CFAP47: variants seen among roughly 807,000 people sequenced by gnomAD.
CFAP47 encodes cilia and flagella associated protein 47, also known as cilia- and flagella-associated protein 47.
CFAP47 carries 29 observed loss-of-function variants against 148.1 expected under a neutral mutation model. The ratio of observed to expected loss-of-function variants is 0.20; its 90% CI spans 0.15 to 0.27. The LOEUF (loss-of-function observed/expected upper bound fraction) is 0.27. CFAP47 is among the 10% of genes least tolerant of loss of function. The pLI is 1.00. For synonymous variants in CFAP47, 664 were observed against 577.3 expected (o/e 1.15, Z -2.15); for missense variants, 1,872 against 1,697.5 (o/e 1.10, Z -1.81).
In CFAP47 at chrX:35,951,227, G is replaced by A; in HGVS notation, c.753G>A (p.Arg251=). Reference sequence around the variant, plus strand: ...TATTAAGCATGAGTAGTGACAGAAGGCTGGAATGCATACACTTTGGTCCTG... The same window carrying A: ...TATTAAGCATGAGTAGTGACAGAAGACTGGAATGCATACACTTTGGTCCTG... ...IELLSMSSDR[R]LECIHFGPVF... Residue 251 remains arginine (R), a synonymous_variant, in exon 5 of 64, where the codon AGG becomes AGA. Coordinates refer to ENST00000378653, the MANE Select transcript of CFAP47 (RefSeq NM_001304548.2). The A allele has an allele frequency of 8.3e-7, 1 of 1,208,725 alleles. No individual in the cohort carries two copies. Among genetic ancestry groups the A allele is most frequent in the Non-Finnish European group, 1.1e-6 (1 of 893,094 alleles).
chrX:36,372,659 C>A (rs1194255482), intron 62 of CFAP47, among the ~76,000 whole-genome samples: 3 of 111,484 alleles, frequency 2.7e-5, no homozygotes, highest in Non-Finnish European at 5.7e-5. Context: ...TATTTGTATA[C>A]CTAAACACAG....
At chrX:36,293,435 C>G (rs1459005428) in intron 51 of CFAP47, among the ~76,000 whole-genome samples, 5 of 112,401 alleles carry the variant, frequency 4.4e-5, no homozygotes, top group African/African-American at 1.6e-4. Flanking sequence ...GTGGCATACT[C>G]TGTGTTGTGA....
chrX:36,174,138 T>C (rs1279789909), intron 39 of CFAP47, among the ~76,000 whole-genome samples: 1 of 107,572 alleles, frequency 9.3e-6, no homozygotes, highest in Non-Finnish European at 1.9e-5. Context: ...CCTTTTTTTG[T>C]TTTCCATTGG....
At chrX:36,317,479 A>G (rs1461407245) in intron 56 of CFAP47, among the ~76,000 whole-genome samples, 1 of 108,459 alleles carries the variant, frequency 9.2e-6, no homozygotes, top group Non-Finnish European at 1.9e-5. Context: ...GTGTGATCTC[A>G]GCTCACTGCA....
At position 36,307,251 on chromosome X, in the gene CFAP47, C is replaced by T. The variant is rs1454173579; in HGVS notation, c.8187+375C>T. Among the ~76,000 whole-genome samples, 3 of 111,450 alleles carry T rather than the reference C, an allele frequency of 2.7e-5. No homozygotes were observed. The East Asian group carries it at 8.4e-4, about 31-fold the overall frequency. The stretch of plus-strand genomic sequence containing the variant: ...TTGTAAATATTTGTTATTTTTTCCA[C>T]TGCATTTCATCTGAACAGTGTTCCT... On this transcript the variant is annotated intron_variant, in intron 55 of 63. Transcript: ENST00000378653.
chrX:36,100,786 C>A (rs1045944908), intron 32 of CFAP47, among the ~76,000 whole-genome samples: 13 of 112,148 alleles, frequency 1.2e-4, no homozygotes, highest in Non-Finnish European at 2.1e-4. Flanking sequence ...ATCCTCACAA[C>A]TGAAATCATC....
intron 61 of CFAP47, chrX:36,365,832 T>C (rs1455290670): frequency 8.9e-6 from 1 of 111,733 alleles, no homozygotes; most frequent in Non-Finnish European, 1.9e-5. Context: ...TTTTTTTAAA[T>C]GAATGCATAG....
At chrX:35,976,439 A>G (rs1936571590) in intron 15 of CFAP47, among the ~76,000 whole-genome samples, 1 of 111,970 alleles carries the variant, frequency 8.9e-6, no homozygotes, top group Non-Finnish European at 1.9e-5. Flanking sequence ...TATACTATAT[A>G]TGCATATCAA....
chrX:36,376,053 G>A (rs1029749991), intron 62 of CFAP47, among the ~76,000 whole-genome samples: 3 of 111,824 alleles, frequency 2.7e-5, no homozygotes, highest in African/African-American at 6.5e-5. Context: ...AGCTGCAGGA[G>A]CCAACTATGG....
In CFAP47 at chrX:36,120,339, T is replaced by C. The variant is rs906995048; in HGVS notation, c.5320+15648T>C. On this transcript the variant is annotated intron_variant, in intron 33 of 63. Coordinates refer to ENST00000378653, the MANE Select transcript of CFAP47 (RefSeq NM_001304548.2). ...GCCTTTTTATTTTGTTGATCTTTTG[T>C]TTTATTTTCTTCATTTTGAATGAAT... is the stretch of plus-strand genomic sequence containing the variant. 9.0e-5 allele frequency among the ~76,000 whole-genome samples: 10 copies of C among 111,226 alleles called. No homozygotes were observed. In the East Asian group the frequency reaches 1.7e-3, roughly 19 times the overall value.
rs782027355 is a variant in CFAP47 at position 36,280,502 on chromosome X, CTACTACAAGAAGATG to C, written c.7473_7487del (p.Cys2492_Arg2496del). 2 of 504,728 alleles carry C rather than the reference CTACTACAAGAAGATG, an allele frequency of 4.0e-6. No homozygotes were observed. The highest frequency in any genetic ancestry group is 5.2e-5 in the South Asian group (2 of 38,336). 41.6% of individuals were successfully genotyped at this position (504,728 alleles called of 1,213,427 possible). ...TGTGTTGTAGGTACAATTACATTTT[CTACTACAAGAAGATG>C]TACTACAAGAAGGAAACATGATGAT... On this transcript the variant is annotated inframe_deletion, in exon 50 of 64. Coordinates refer to ENST00000378653, the MANE Select transcript of CFAP47 (RefSeq NM_001304548.2).
At chrX:36,051,909 T>C (rs1301175671) in intron 26 of CFAP47, among the ~76,000 whole-genome samples, 1 of 110,919 alleles carries the variant, frequency 9.0e-6, no homozygotes, top group Non-Finnish European at 1.9e-5. Context: ...GCTGTTCTCA[T>C]GATAGTGAAT....
chrX:36,215,471 G>T (rs1413693397), intron 45 of CFAP47, among the ~76,000 whole-genome samples: 1 of 109,445 alleles, frequency 9.1e-6, no homozygotes, highest in African/African-American at 3.3e-5. Context: ...GAAGGGGTTG[G>T]CTCTATTGCT....
intron 37 of CFAP47, among the ~76,000 whole-genome samples, chrX:36,158,216 G>A (rs1184803483): frequency 1.8e-5 from 2 of 111,842 alleles, no homozygotes; most frequent in Non-Finnish European, 3.8e-5. Flanking sequence ...CATTCTAAGC[G>A]AAGACAATAG....
At chrX:36,231,947 A>C (rs1352941888) in intron 46 of CFAP47, among the ~76,000 whole-genome samples, 1 of 111,604 alleles carries the variant, frequency 9.0e-6, no homozygotes, top group African/African-American at 3.3e-5. Flanking sequence ...CCAGCCTTGC[A>C]TCCCAGGGAT....
chrX:36,375,219 G>A, intron 62 of CFAP47: 1 of 248,244 alleles, frequency 4.0e-6, no homozygotes, highest in Admixed American at 4.8e-5. Flanking sequence ...AAGAGAATGG[G>A]AGGGGAGAGC....
At chrX:35,948,485 T>C (rs962251060) in intron 4 of CFAP47, 33 bp downstream of exon 4, 10 of 1,093,076 alleles carry the variant, frequency 9.1e-6, no homozygotes, top group Non-Finnish European at 1.1e-5. Context: ...AAAATTATAA[T>C]ACAGATCTCA....
intron 46 of CFAP47, among the ~76,000 whole-genome samples, chrX:36,229,314 G>A (rs1053662393): frequency 1.8e-5 from 2 of 111,802 alleles, no homozygotes; most frequent in Non-Finnish European, 3.8e-5. Context: ...AATTATTAAA[G>A]ACATGACAAA....
chrX:35,938,813 G>A (rs1935956162), intron 2 of CFAP47, among the ~76,000 whole-genome samples: 1 of 111,724 alleles, frequency 9.0e-6, no homozygotes, highest in Non-Finnish European at 1.9e-5. Flanking sequence ...TGTCAGCTAC[G>A]TCAGTTGTAT....
Sources: allele counts gnomAD v4.1 joint callset (sites outside exome capture counted in the v4.1 genomes callset), GRCh38; gene constraint gnomAD v4.1.1; transcripts MANE v1.5; gene names NCBI Gene and HGNC (gene_info 2026-07-23, HGNC 2026-07-21).